DYM: variants seen among roughly 807,000 people sequenced by gnomAD.
DYM encodes the protein dymeclin, also known as dyggve-Melchior-Clausen syndrome protein.
Under a neutral mutation model 93.1 loss-of-function variants are expected in DYM, and 78 were observed. The observed-to-expected ratio is 0.84, with a 90% CI of 0.70 to 1.01. DYM has a LOEUF of 1.01. Among genes scored for constraint, DYM ranks in the 50% least tolerant of loss-of-function variants. DYM has a pLI of 0.00. For synonymous variants in DYM, 321 were observed against 319.7 expected (o/e 1.00, Z -0.04); for missense variants, 789 against 845.0 (o/e 0.93, Z 0.82).
chr18:49,073,449 C>G (rs7239172), intron 17 of DYM, among the ~76,000 whole-genome samples: 1 of 150,410 alleles, frequency 6.6e-6, no homozygotes, highest in East Asian at 2.1e-4. Context: ...CACCTCCCCC[C>G]ACCCCCATAA....
intron 8 of DYM, among the ~76,000 whole-genome samples, chr18:49,292,331 GGC>G (rs1491065453): frequency 3.3e-4 from 28 of 84,336 alleles, no homozygotes; most frequent in Admixed American, 5.7e-4. Flanking sequence ...CAGGCAGGCA[GGC>G]AGGCAGACAG....
chr18:49,449,567 G>C (rs1451655285), intron 1 of DYM, among the ~76,000 whole-genome samples: 1 of 152,188 alleles, frequency 6.6e-6, no homozygotes, highest in Non-Finnish European at 1.5e-5. Context: ...GGTTGACTTA[G>C]AGTTGAGCTA....
intron 16 of DYM, among the ~76,000 whole-genome samples, chr18:49,108,205 C>G (rs994805734): frequency 6.6e-6 from 1 of 152,220 alleles, no homozygotes; most frequent in Non-Finnish European, 1.5e-5. Context: ...CCCTCCGAGC[C>G]AGGCACGGGA....
At chr18:49,251,743 C>T (rs923457378) in intron 13 of DYM, among the ~76,000 whole-genome samples, 13 of 152,158 alleles carry the variant, frequency 8.5e-5, no homozygotes, top group African/African-American at 3.1e-4. Context: ...AACATCATCA[C>T]CAAGATTCCA....
intron 3 of DYM, among the ~76,000 whole-genome samples, chr18:49,380,864 G>C (rs2067982044): frequency 6.6e-6 from 1 of 152,208 alleles, no homozygotes; most frequent in South Asian, 2.1e-4. Context: ...CAGAGTCCTG[G>C]ATAATTGTTT....
At chr18:49,118,675 G>A (rs1293755165) in intron 16 of DYM, 69 bp downstream of exon 16, 1 of 1,399,534 alleles carries the variant, frequency 7.1e-7, no homozygotes, top group Non-Finnish European at 1.0e-6. Flanking sequence ...TTCTTACCAA[G>A]GCTTATTAAA....
At chr18:49,097,157 G>C (rs2079616284) in intron 17 of DYM, 5 of 559,144 alleles carry the variant, frequency 8.9e-6, no homozygotes, top group Non-Finnish European at 1.6e-5. Flanking sequence ...AAAAAATAAG[G>C]TGTCCTTTTA....
intron 6 of DYM, among the ~76,000 whole-genome samples, chr18:49,351,164 G>A (rs1300673444): frequency 1.3e-5 from 2 of 152,120 alleles, no homozygotes; most frequent in African/African-American, 2.4e-5. Flanking sequence ...GCTCTCGCCT[G>A]TAATCCTAGC....
intron 17 of DYM, among the ~76,000 whole-genome samples, chr18:49,057,053 G>T (rs1268134899): frequency 6.6e-6 from 1 of 152,194 alleles, no homozygotes; most frequent in Non-Finnish European, 1.5e-5. Flanking sequence ...TCATATCTCA[G>T]TGTGTTAGCA....
intron 8 of DYM, among the ~76,000 whole-genome samples, chr18:49,288,742 T>C (rs1311105747): frequency 6.6e-6 from 1 of 151,666 alleles, no homozygotes; most frequent in African/African-American, 2.4e-5. Flanking sequence ...ATCATGCCAC[T>C]GCACTCCAGC....
chr18:49,230,084 C>T (rs142228927), intron 13 of DYM, among the ~76,000 whole-genome samples: 4,496 of 152,174 alleles, frequency 0.03, 126 homozygotes, highest in Non-Finnish European at 0.043. Flanking sequence ...AGCAGCACAG[C>T]GGAATCTTTA....
At chr18:49,265,941 C>T (rs2094563386) in intron 11 of DYM, among the ~76,000 whole-genome samples, 1 of 151,808 alleles carries the variant, frequency 6.6e-6, no homozygotes, top group Admixed American at 6.6e-5. Flanking sequence ...CAGTATTAGG[C>T]AATTTTGGCA....
chr18:49,259,487 C>G (rs1229500479), intron 11 of DYM, among the ~76,000 whole-genome samples: 1 of 152,072 alleles, frequency 6.6e-6, no homozygotes, highest in Non-Finnish European at 1.5e-5. Flanking sequence ...GTAAAATAAG[C>G]TGGGATAGGG....
At chr18:49,206,937 C>G (rs1764857118) in intron 14 of DYM, among the ~76,000 whole-genome samples, 1 of 152,180 alleles carries the variant, frequency 6.6e-6, no homozygotes, top group Non-Finnish European at 1.5e-5. Context: ...TACACTGACT[C>G]AGAAACTGAG....
At chr18:49,144,528 C>T (rs1052813771) in intron 15 of DYM, among the ~76,000 whole-genome samples, 1 of 152,116 alleles carries the variant, frequency 6.6e-6, no homozygotes, top group African/African-American at 2.4e-5. Flanking sequence ...ACTATTTTGA[C>T]ATCTAGTGTT....
chr18:49,215,778 G>A (rs1281230529), intron 13 of DYM, among the ~76,000 whole-genome samples: 1 of 152,246 alleles, frequency 6.6e-6, no homozygotes, highest in Non-Finnish European at 1.5e-5. Flanking sequence ...CAGCCAAGAT[G>A]GCCGAATAGG....
At chr18:49,080,661 C>T (rs1325934759) in intron 17 of DYM, among the ~76,000 whole-genome samples, 4 of 148,102 alleles carry the variant, frequency 2.7e-5, no homozygotes, top group South Asian at 2.2e-4. Flanking sequence ...ACCTCCCTCC[C>T]GGACGGGGCG....
At chr18:49,055,556 T>C (rs1286333842) in intron 17 of DYM, among the ~76,000 whole-genome samples, 1 of 152,126 alleles carries the variant, frequency 6.6e-6, no homozygotes, top group African/African-American at 2.4e-5. Flanking sequence ...AAGATGATGA[T>C]ACTAATGAGA....
At chr18:49,331,552 A>T (rs1001465596) in intron 8 of DYM, among the ~76,000 whole-genome samples, 1 of 152,262 alleles carries the variant, frequency 6.6e-6, no homozygotes, top group Admixed American at 6.5e-5. Flanking sequence ...AAGTAGTGTT[A>T]TAAGTTTTCA....
Sources: allele counts gnomAD v4.1 joint callset (sites outside exome capture counted in the v4.1 genomes callset), GRCh38; gene constraint gnomAD v4.1.1; transcripts MANE v1.5; gene names NCBI Gene and HGNC (gene_info 2026-07-23, HGNC 2026-07-21).